Variants in ZNG1E observed in about 807,000 individuals in gnomAD.
ZNG1E encodes zinc-regulated GTPase metalloprotein activator 1E.
the ZNG1E span, among the ~76,000 whole-genome samples, chr9:65,727,159 A>T: frequency 7.3e-6 from 1 of 136,988 alleles, no homozygotes; most frequent in Non-Finnish European, 1.5e-5. Context: ...ATATGAAGGC[A>T]AGATACAGCT....
the ZNG1E span, chr9:65,677,029 G>C: frequency 4.6e-6 from 2 of 435,624 alleles, 1 homozygote; most frequent in East Asian, 9.4e-5. Context: ...AGAAATAACT[G>C]CTTTTTTTTT....
At chr9:65,673,265 G>T in the ZNG1E span, among the ~76,000 whole-genome samples, 1 of 83,976 alleles carries the variant, frequency 1.2e-5, no homozygotes, top group East Asian at 2.9e-4. Flanking sequence ...TATATAAATG[G>T]AATCATACAA....
the ZNG1E span, among the ~76,000 whole-genome samples, chr9:65,665,486 G>C: frequency 6.6e-6 from 1 of 152,224 alleles, no homozygotes; most frequent in African/African-American, 2.4e-5. Context: ...AGAAGATGTA[G>C]AAGTTTGCTG....
chr9:65,673,873 C>T, the ZNG1E span, among the ~76,000 whole-genome samples: 1 of 152,290 alleles, frequency 6.6e-6, no homozygotes, highest in Non-Finnish European at 1.5e-5. Context: ...CAAGAATGTA[C>T]TTTTAAAAAT....
At chr9:65,711,035 A>C in the ZNG1E span, among the ~76,000 whole-genome samples, 1 of 142,796 alleles carries the variant, frequency 7.0e-6, no homozygotes, top group East Asian at 2.0e-4. Flanking sequence ...TTTCCTTGAG[A>C]AGTGGTTTGT....
At chr9:65,699,166 ACC>A in the ZNG1E span, among the ~76,000 whole-genome samples, 1 of 149,960 alleles carries the variant, frequency 6.7e-6, no homozygotes, top group East Asian at 2.0e-4. Flanking sequence ...CAGGTGATCC[ACC>A]CGCCTCGGCC....
the ZNG1E span, among the ~76,000 whole-genome samples, chr9:65,676,671 C>T: frequency 6.6e-6 from 1 of 151,516 alleles, no homozygotes; most frequent in Non-Finnish European, 1.5e-5. Flanking sequence ...TAAACCACTG[C>T]GTAGGAAGTA....
the ZNG1E span, among the ~76,000 whole-genome samples, chr9:65,681,165 A>C: frequency 2.6e-5 from 4 of 151,956 alleles, no homozygotes; most frequent in Non-Finnish European, 5.9e-5. Context: ...AACAATTTAG[A>C]AGAAGAATGA....
the ZNG1E span, chr9:65,707,034 A>G: frequency 3.4e-5 from 4 of 118,554 alleles, 1 homozygote; most frequent in East Asian, 6.5e-4. Flanking sequence ...GGTTTGAGAC[A>G]GAATCTCACT....
At chr9:65,663,697 CA>C in the ZNG1E span, among the ~76,000 whole-genome samples, 2 of 151,708 alleles carry the variant, frequency 1.3e-5, no homozygotes, top group Non-Finnish European at 2.9e-5. Flanking sequence ...AGTAGAATTT[CA>C]AAAGGTATAC....
At chr9:65,693,552 A>ATTTTTGTTTTTTTTTT in the ZNG1E span, 1 of 720,642 alleles carries the variant, frequency 1.4e-6, no homozygotes, top group Non-Finnish European at 1.8e-6. Context: ...GAACATGTTA[A>ATTTTTGTTTTTTTTTT]TTTTTTTTTT....
the ZNG1E span, among the ~76,000 whole-genome samples, chr9:65,714,406 C>A: frequency 2.3e-5 from 2 of 87,834 alleles, no homozygotes; most frequent in Admixed American, 1.0e-4. Context: ...TGAGGAACTG[C>A]GTTTCTTTGG....
the ZNG1E span, among the ~76,000 whole-genome samples, chr9:65,657,579 T>C: frequency 6.6e-6 from 1 of 152,296 alleles, no homozygotes; most frequent in East Asian, 1.9e-4. Context: ...GGAAGGGTAG[T>C]TGTGGTGGGA....
At chr9:65,727,406 C>A in the ZNG1E span, among the ~76,000 whole-genome samples, 5 of 141,940 alleles carry the variant, frequency 3.5e-5, no homozygotes, top group Non-Finnish European at 7.5e-5. Context: ...CATCTCAATA[C>A]TAACATTGAA....
At chr9:65,667,435 G>A in the ZNG1E span, among the ~76,000 whole-genome samples, 1 of 152,272 alleles carries the variant, frequency 6.6e-6, no homozygotes, top group African/African-American at 2.4e-5. Flanking sequence ...AAAATATATT[G>A]AATTTGATAT....
chr9:65,658,602 A>G, the ZNG1E span, among the ~76,000 whole-genome samples: 3 of 150,462 alleles, frequency 2.0e-5, no homozygotes, highest in African/African-American at 4.9e-5. Context: ...AAAAGAATGG[A>G]GTTAGACCCA....
the ZNG1E span, chr9:65,693,458 G>T: frequency 7.8e-7 from 1 of 1,283,918 alleles, no homozygotes; most frequent in East Asian, 5.5e-5. Context: ...TGAGCATATG[G>T]ATAGGGCCCA....
At chr9:65,662,053 C>A in the ZNG1E span, among the ~76,000 whole-genome samples, 1 of 152,200 alleles carries the variant, frequency 6.6e-6, no homozygotes, top group African/African-American at 2.4e-5. Flanking sequence ...TTTCTTGTGG[C>A]AGAACCCTGC....
chr9:65,710,502 T>C, the ZNG1E span, among the ~76,000 whole-genome samples: 173 of 151,910 alleles, frequency 1.1e-3, no homozygotes, highest in East Asian at 0.018. Context: ...AACGTTTAAG[T>C]CTTTAATCCA....
Sources: allele counts gnomAD v4.1 joint callset (sites outside exome capture counted in the v4.1 genomes callset), GRCh38; gene constraint gnomAD v4.1.1; transcripts MANE v1.5; gene names NCBI Gene and HGNC (gene_info 2026-07-23, HGNC 2026-07-21).